The following HSPA9 variants were observed in gnomAD, a reference collection of about 807,000 sequenced individuals.
HSPA9 encodes the protein stress-70 protein, mitochondrial.
Under a neutral mutation model 81.5 loss-of-function variants are expected in HSPA9, and 28 were observed. That is an observed-to-expected ratio of 0.34 (90% CI 0.25 to 0.47). HSPA9 has a LOEUF of 0.47. Among genes scored for constraint, HSPA9 ranks in the 20% least tolerant of loss-of-function variants. The pLI is 1.00. For synonymous variants in HSPA9, 293 were observed against 290.4 expected, an observed-to-expected ratio of 1.01 and a Z score of -0.09; for missense variants, 678 against 838.0, an observed-to-expected ratio of 0.81 and a Z score of 2.36.
At chr5:138,570,639 T>A (rs1481458978) in intron 4 of HSPA9, among the ~76,000 whole-genome samples, 3 of 152,070 alleles carry the variant, frequency 2.0e-5, no homozygotes, top group African/African-American at 7.2e-5. Flanking sequence ...GCACCCACCA[T>A]CATGCACAGC....
chr5:138,561,721 G>C lies in HSPA9; in HGVS notation c.1041C>G (p.Thr347=). 6.2e-7 allele frequency: 1 copy of C among 1,614,106 alleles called. No individual in the cohort carries two copies. The highest frequency in any genetic ancestry group is 1.1e-5 in the South Asian group (1 of 91,078). Residue 347 remains threonine, a synonymous_variant, in exon 10 of 17, where the codon ACC becomes ACG. Coordinates refer to ENST00000297185, the MANE Select transcript of HSPA9 (RefSeq NM_004134.7). ...TGACAATCCCTTCAAATTGAGCACG[G>C]GTCAACTTCATATTCAAATGCTTGG... ...SGPKHLNMKL[T]RAQFEGIVTD...
At chr5:138,568,015 A>G (rs1750801169) in intron 5 of HSPA9, among the ~76,000 whole-genome samples, 2 of 150,874 alleles carry the variant, frequency 1.3e-5, no homozygotes, top group African/African-American at 4.9e-5. Flanking sequence ...GAGAAACCCC[A>G]TCTCTACTAA....
intron 9 of HSPA9, among the ~76,000 whole-genome samples, chr5:138,564,323 G>A (rs1750717233): frequency 6.6e-6 from 1 of 152,170 alleles, no homozygotes; most frequent in African/African-American, 2.4e-5. Context: ...AGGCTGGTCT[G>A]GAACTCCTGA....
At chr5:138,566,746 A>G (rs752355033) in intron 8 of HSPA9, 28 bp from the exon 9 acceptor site, 2 of 1,523,542 alleles carry the variant, frequency 1.3e-6, no homozygotes, top group East Asian at 4.5e-5. Flanking sequence ...TGAACACCAA[A>G]CACCAGCATT....
rs1385224408 is a variant in HSPA9, at chr5:138,554,733, G to A, written c.*1304C>T. Reference sequence around the variant, plus strand: ...TATGACATTCATCCATGAAACATAAGGGAAATGTGCTGGAAGACTTTTGGG... The same window carrying A: ...TATGACATTCATCCATGAAACATAAAGGAAATGTGCTGGAAGACTTTTGGG... On this transcript the variant is annotated 3_prime_UTR_variant, in exon 17 of 17. Transcript: ENST00000297185. 6.6e-6 allele frequency: 1 copy of A among 152,168 alleles called. No individual in the cohort carries two copies. The highest frequency in any genetic ancestry group is 1.5e-5 in the Non-Finnish European group (1 of 68,022). 9.4% of individuals were successfully genotyped at this position (152,168 alleles called of 1,614,324 possible). A position where few individuals can be genotyped will look rare whatever the true frequency, so the allele number is the denominator to read the frequency against.
At chr5:138,571,171 G>A in intron 3 of HSPA9, 30 bp from the exon 4 acceptor site, 1 of 1,607,102 alleles carries the variant, frequency 6.2e-7, no homozygotes, top group Non-Finnish European at 8.5e-7. Flanking sequence ...TAGAGAGTAA[G>A]TTTGTAGTTA....
chr5:138,563,974 A>C (rs114370834), intron 9 of HSPA9, among the ~76,000 whole-genome samples: 1 of 152,354 alleles, frequency 6.6e-6, no homozygotes, highest in African/African-American at 2.4e-5. Flanking sequence ...TCTTCACCTG[A>C]GAGCCTTACT....
intron 3 of HSPA9, among the ~76,000 whole-genome samples, chr5:138,572,917 A>G (rs890820383): frequency 1.3e-4 from 20 of 150,662 alleles, no homozygotes; most frequent in Admixed American, 5.3e-4. Context: ...TTTTTTTGAG[A>G]CAAAGTCTCG....
rs1750784057 is a variant in HSPA9 at position 138,567,058 on chromosome 5, A to G, written c.822T>C (p.Gly274=). Residue 274 remains glycine (G), a synonymous_variant, in exon 8 of 17, where the codon GGT becomes GGC. Transcript: ENST00000297185. ...GCAAGGCCTGGTCAAAGTCTTCCCC[A>G]CCTAAGAAGGTATCCCCATTTGTGG... ...VKSTNGDTFL[G]GEDFDQALLR... 1.2e-6 allele frequency: 2 copies of G among 1,613,612 alleles called. No individual in the cohort carries two copies. Among genetic ancestry groups the G allele is most frequent in the Non-Finnish European group, 8.5e-7 (1 of 1,179,930 alleles).
At chr5:138,573,666 A>G in intron 3 of HSPA9, 97 bp downstream of exon 3, 2 of 607,790 alleles carry the variant, frequency 3.3e-6, no homozygotes, top group East Asian at 8.0e-5. Context: ...AAAAAAAAAA[A>G]AAGCGCAAAT....
intron 4 of HSPA9, 100 bp downstream of exon 4, chr5:138,570,859 TA>T: frequency 9.8e-7 from 1 of 1,023,840 alleles, no homozygotes; most frequent in Non-Finnish European, 1.6e-6. Context: ...GTAAAATTAC[TA>T]AAGTAAGGTG....
chr5:138,556,738 G>A (rs954498549), intron 15 of HSPA9, 36 bp downstream of exon 15: 3 of 1,575,258 alleles, frequency 1.9e-6, no homozygotes, highest in Non-Finnish European at 2.6e-6. Flanking sequence ...GTAAAAATGT[G>A]TTCAACCTCT....
In HSPA9 at chr5:138,566,765, GATAA is replaced by G. The variant is rs531310138; in HGVS notation, c.880-51_880-48del. On this transcript the variant is annotated intron_variant, in intron 8 of 16. Transcript: ENST00000297185. ...CACCAAACACCAGCATTAGTGAGGTGATAAATAAACTGCAGTAATAAGGTGGAAC... is the reference window on the plus strand; with the variant it reads ...CACCAAACACCAGCATTAGTGAGGTGATAAACTGCAGTAATAAGGTGGAAC... 4.1e-3 allele frequency: 5,872 copies of G among 1,434,580 alleles called. 39 individuals are homozygous for G. The highest frequency in any genetic ancestry group is 3.7e-3 in the Non-Finnish European group (3,742 of 1,017,056). 88.9% of individuals were successfully genotyped at this position (1,434,580 alleles called of 1,614,324 possible). A position where few individuals can be genotyped will look rare whatever the true frequency, so the allele number is the denominator to read the frequency against.
chr5:138,570,968 C>T lies in HSPA9; in HGVS notation c.402G>A (p.Gln134=), dbSNP rs776048580. The change falls in exon 4 of 17, where the codon CAG becomes CAA. Residue 134 remains glutamine, a synonymous_variant. Coordinates refer to ENST00000297185, the MANE Select transcript of HSPA9 (RefSeq NM_004134.7). ...IGRRYDDPEV[Q]KDIKNVPFKI... ...CTTTTGCTGTTACTCACATGTCTTT[C>T]TGTACTTCAGGATCATCATATCGCC... 2.8e-5 allele frequency: 45 copies of T among 1,614,146 alleles called. No individual in the cohort carries two copies. The highest frequency in any genetic ancestry group is 3.8e-5 in the Non-Finnish European group (45 of 1,180,018).
chr5:138,556,899 T>G, intron 14 of HSPA9, 33 bp from the exon 15 acceptor site: 1 of 1,490,814 alleles, frequency 6.7e-7, no homozygotes, highest in African/African-American at 1.4e-5. Flanking sequence ...ACGAAGACTT[T>G]CCAATCAACC....
chr5:138,571,221 C>T lies in HSPA9; in HGVS notation c.229-80G>A, dbSNP rs751382436. On this transcript the variant is annotated intron_variant, in intron 3 of 16. Transcript: ENST00000297185. ...TTTGAGATGGAGTCTCACTCTGTCGCTAAGGCTGGAGTACAATGGCACAAT... is the reference window on the plus strand; with the variant it reads ...TTTGAGATGGAGTCTCACTCTGTCGTTAAGGCTGGAGTACAATGGCACAAT... The T allele has an allele frequency of 1.3e-5, 19 of 1,417,530 alleles. No homozygotes were observed. In the South Asian group the frequency reaches 1.8e-4, roughly 13 times the overall value. The allele number at this position is 1,417,530 out of a possible 1,614,324, so 87.8% of individuals were successfully genotyped here.
chr5:138,573,876 C>A, intron 2 of HSPA9, 26 bp from the exon 3 acceptor site: 1 of 1,564,500 alleles, frequency 6.4e-7, no homozygotes, highest in Non-Finnish European at 8.8e-7. Context: ...AACAGTGTCA[C>A]AGCTATTGTT....
Position 138,557,809 on chromosome 5 carries a change from G to A in HSPA9, c.1633+60C>T. Reference sequence around the variant, plus strand: ...CAAAGAGGACTCATCATTCTAAGAGGGTCTATTCCCAAGACCTCCCTCACC... The same window carrying A: ...CAAAGAGGACTCATCATTCTAAGAGAGTCTATTCCCAAGACCTCCCTCACC... On this transcript the variant is annotated intron_variant, in intron 13 of 16. Transcript: ENST00000297185. 9 of 962,016 alleles carry A rather than the reference G, an allele frequency of 9.4e-6. No homozygotes were observed. The Admixed American group carries it at 1.4e-4, about 14-fold the overall frequency. The allele number at this position is 962,016 out of a possible 1,614,324, so 59.6% of individuals were successfully genotyped here.
Position 138,566,631 on chromosome 5 carries a change from C to T in HSPA9, c.967G>A (p.Val323Met), listed in dbSNP as rs149041674. ...EKAKCELSSS[V>M]QTDINLPYLT... ...TCGAATTTTCCGTGTCTCACCTGCACAGATGAGGAGAGTTCACATTTAGCC... is the reference window on the plus strand; with the variant it reads ...TCGAATTTTCCGTGTCTCACCTGCATAGATGAGGAGAGTTCACATTTAGCC... The change falls in exon 9 of 17, where the codon GTG (valine) becomes ATG (methionine). Residue 323 changes from valine to methionine, a missense_variant. Around this residue, in one of 4 missense-constraint regions of HSPA9, gnomAD observed 484 missense variants for 647.5 expected, o/e 0.75. Coordinates refer to ENST00000297185, the MANE Select transcript of HSPA9 (RefSeq NM_004134.7). 4.3e-5 allele frequency: 70 copies of T among 1,610,018 alleles called. No individual in the cohort carries two copies. The highest frequency in any genetic ancestry group is 5.9e-5 in the Non-Finnish European group (70 of 1,176,478).
Sources: gnomAD v4.1 joint callset for allele counts (sites outside exome capture counted in the v4.1 genomes callset) on GRCh38, gnomAD v4.1.1 for gene constraint, gnomAD v4.1.1 regional missense constraint, MANE v1.5 for transcripts, NCBI Gene and HGNC (gene_info 2026-07-23, HGNC 2026-07-21) for gene names.